Variants in FRMD3 observed in about 807,000 individuals in gnomAD.
FRMD3 encodes the protein FERM domain-containing protein 3.
Under a neutral mutation model 70.2 loss-of-function variants are expected in FRMD3, and 33 were observed. The ratio of observed to expected loss-of-function variants is 0.47; its 90% CI spans 0.36 to 0.63. The LOEUF is 0.63. Among genes scored for constraint, FRMD3 ranks in the 20% least tolerant of loss-of-function variants. FRMD3 has a pLI of 0.00. For missense variants in FRMD3, 632 were observed against 711.4 expected (o/e 0.89, Z 1.27); for synonymous variants, 279 against 255.9 (o/e 1.09, Z -0.86).
chr9:83,573,278 G>A, the FRMD3 span, among the ~76,000 whole-genome samples: 1 of 151,580 alleles, frequency 6.6e-6, no homozygotes, highest in South Asian at 2.1e-4. Context: ...TGGTGGAGAA[G>A]GAGGAGAAAT....
At chr9:83,428,303 G>A (rs1481600779) in intron 1 of FRMD3, among the ~76,000 whole-genome samples, 3 of 150,050 alleles carry the variant, frequency 2.0e-5, no homozygotes, top group South Asian at 2.1e-4. Context: ...GCTTGAACCC[G>A]GGAGGCAGAA....
intron 1 of FRMD3, among the ~76,000 whole-genome samples, chr9:83,407,439 AT>A (rs1422607476): frequency 6.6e-6 from 1 of 152,030 alleles, no homozygotes; most frequent in African/African-American, 2.4e-5. Flanking sequence ...AACTTAGGGA[AT>A]TTTTAATCTC....
At chr9:83,572,719 G>A in the FRMD3 span, among the ~76,000 whole-genome samples, 2 of 152,176 alleles carry the variant, frequency 1.3e-5, no homozygotes, top group Admixed American at 6.5e-5. Flanking sequence ...TCAGCAGCAC[G>A]GGAACAGGCG....
chr9:83,301,063 G>A (rs2131016420), intron 10 of FRMD3, among the ~76,000 whole-genome samples: 1 of 152,314 alleles, frequency 6.6e-6, no homozygotes, highest in Non-Finnish European at 1.5e-5. Flanking sequence ...GGCTTGGCAG[G>A]GGGATCCTGT....
the FRMD3 span, among the ~76,000 whole-genome samples, chr9:83,549,342 T>C: frequency 6.6e-6 from 1 of 152,210 alleles, no homozygotes; most frequent in East Asian, 1.9e-4. Flanking sequence ...ATTTTGTTTA[T>C]CCAGTTTGTT....
intron 1 of FRMD3, among the ~76,000 whole-genome samples, chr9:83,525,967 A>G (rs979793973): frequency 2.0e-5 from 3 of 152,200 alleles, no homozygotes; most frequent in Middle Eastern, 3.2e-3. Context: ...CACTTGCAAG[A>G]ACATTAACAA....
intron 1 of FRMD3, among the ~76,000 whole-genome samples, chr9:83,494,276 C>T (rs11794693): frequency 0.055 from 8,369 of 152,276 alleles, 327 homozygotes; most frequent in Non-Finnish European, 0.073. Flanking sequence ...TAGTACTTTA[C>T]AGTTACTTGC....
intron 12 of FRMD3, 129 bp downstream of exon 12, chr9:83,298,619 G>C: frequency 1.4e-6 from 1 of 707,094 alleles, no homozygotes; most frequent in Non-Finnish European, 2.4e-6. Context: ...ATCTGTCTGA[G>C]TGAGATGTCT....
rs986190101 is a variant in FRMD3, at chr9:83,537,673, C to T, written c.147+412G>A. ...ATGAGTGAACCCAGCTGATGCATGCCTTCTCCACGTGGAAGAAGGGAGGAA... is the reference window on the plus strand; with the variant it reads ...ATGAGTGAACCCAGCTGATGCATGCTTTCTCCACGTGGAAGAAGGGAGGAA... On this transcript the variant is annotated intron_variant, in intron 1 of 13. Transcript: ENST00000304195. The surrounding 1 kb of genome is among the most constrained non-coding windows in gnomAD (Gnocchi z 4.1). Among the ~76,000 whole-genome samples the T allele has an allele frequency of 1.3e-5, 2 of 152,198 alleles. No homozygotes were observed. Among genetic ancestry groups the T allele is most frequent in the Non-Finnish European group, 2.9e-5 (2 of 68,022 alleles).
intron 1 of FRMD3, among the ~76,000 whole-genome samples, chr9:83,491,403 T>A (rs1319792031): frequency 6.6e-6 from 1 of 152,194 alleles, no homozygotes; most frequent in Non-Finnish European, 1.5e-5. Flanking sequence ...GTCAGGGACC[T>A]GGAGACACAG....
At chr9:83,344,824 A>AGT (rs35538787) in intron 4 of FRMD3, among the ~76,000 whole-genome samples, 24,927 of 143,926 alleles carry the variant, frequency 0.17, 2,202 homozygotes, top group South Asian at 0.26. Context: ...TGCATGTGTG[A>AGT]GTGTGTGTGT....
At chr9:83,323,335 G>A (rs1835878961) in intron 6 of FRMD3, among the ~76,000 whole-genome samples, 1 of 152,174 alleles carries the variant, frequency 6.6e-6, no homozygotes, top group Non-Finnish European at 1.5e-5. Flanking sequence ...GAAAATTGCT[G>A]ACTTAAAGCT....
In FRMD3 at chr9:83,246,317, A is replaced by G. The variant is rs1212860187; in HGVS notation, c.*1601T>C. On this transcript the variant is annotated 3_prime_UTR_variant, in exon 14 of 14. Coordinates refer to ENST00000304195, the MANE Select transcript of FRMD3 (RefSeq NM_174938.6). ...TTATCTTTCTCCCACATAACACAGT[A>G]TCAGCAGGTAGTCTGCATGGGAAGG... The G allele has an allele frequency of 2.0e-6, 2 of 984,378 alleles. No homozygotes were observed. Among genetic ancestry groups the G allele is most frequent in the Admixed American group, 1.2e-4 (2 of 16,264 alleles). 61.0% of individuals were successfully genotyped at this position (984,378 alleles called of 1,614,324 possible).
intron 1 of FRMD3, among the ~76,000 whole-genome samples, chr9:83,435,901 A>T (rs867957885): frequency 8.5e-5 from 13 of 152,310 alleles, no homozygotes; most frequent in Middle Eastern, 3.4e-3. Context: ...AGACCACAAT[A>T]GAGAGAAATT....
At chr9:83,548,682 T>C in the FRMD3 span, among the ~76,000 whole-genome samples, 1 of 152,158 alleles carries the variant, frequency 6.6e-6, no homozygotes, top group African/African-American at 2.4e-5. Context: ...TCAAAACCCA[T>C]AGAACTGTGC....
chr9:83,266,888 T>C, intron 13 of FRMD3: 2 of 1,013,952 alleles, frequency 2.0e-6, no homozygotes. Context: ...TCTCTCTCTT[T>C]TCATCCTTAT....
the FRMD3 span, among the ~76,000 whole-genome samples, chr9:83,553,758 C>T: frequency 1.3e-5 from 2 of 152,162 alleles, no homozygotes; most frequent in Admixed American, 6.5e-5. Context: ...TCCTGTACCA[C>T]TTTATTGTGA....
chr9:83,250,784 C>T (rs1832373246), intron 13 of FRMD3, among the ~76,000 whole-genome samples: 1 of 152,202 alleles, frequency 6.6e-6, no homozygotes, highest in South Asian at 2.1e-4. Flanking sequence ...CAATCCATTT[C>T]TCCTCACTGG....
upstream of FRMD3, among the ~76,000 whole-genome samples, chr9:83,542,216 A>G (rs1830007798): frequency 6.6e-6 from 1 of 152,204 alleles, no homozygotes; most frequent in Non-Finnish European, 1.5e-5. Context: ...GATATTCTTT[A>G]CCAAAAAATA....
Sources: allele counts gnomAD v4.1 joint callset (sites outside exome capture counted in the v4.1 genomes callset), GRCh38; gene constraint gnomAD v4.1.1; non-coding constraint Gnocchi (gnomAD v3.1); transcripts MANE v1.5; gene names NCBI Gene and HGNC (gene_info 2026-07-23, HGNC 2026-07-21).